Variants in CCDC171 observed in about 807,000 individuals in gnomAD.
CCDC171 encodes coiled-coil domain-containing protein 171.
A neutral mutation model predicts 168.2 loss-of-function variants in CCDC171; 177 were observed. The observed-to-expected ratio is 1.05, with a 90% CI of 0.93 to 1.19. The LOEUF (loss-of-function observed/expected upper bound fraction) is 1.19. CCDC171 is among the 50% of genes most tolerant of loss of function. The pLI, the probability that CCDC171 is intolerant of heterozygous loss-of-function variation, is 0.00. For synonymous variants in CCDC171, 687 were observed against 540.8 expected (o/e 1.27, Z -3.75); for missense variants, 1,991 against 1,539.0 (o/e 1.29, Z -4.91).
intron 4 of CCDC171, chr9:16,020,817 A>G (rs1371201548): frequency 6.5e-6 from 1 of 153,538 alleles, no homozygotes; most frequent in East Asian, 1.9e-4. Flanking sequence ...AAACTTATCA[A>G]TTGTTTATTT....
At chr9:15,774,246 TAAAA>T (rs56239417) in intron 18 of CCDC171, among the ~76,000 whole-genome samples, 13,532 of 37,828 alleles carry the variant, frequency 0.36, 1,681 homozygotes, top group Non-Finnish European at 0.38. Flanking sequence ...ACGCTGTCTT[TAAAA>T]AAAAAAAAAA....
chr9:15,893,239 T>C (rs1018085934), intron 24 of CCDC171, among the ~76,000 whole-genome samples: 4 of 152,034 alleles, frequency 2.6e-5, no homozygotes, highest in African/African-American at 4.8e-5. Context: ...ATATGCAAAA[T>C]ATTGAAACTG....
intron 9 of CCDC171, among the ~76,000 whole-genome samples, chr9:15,666,731 G>A (rs1055896768): frequency 1.3e-5 from 2 of 152,216 alleles, no homozygotes; most frequent in East Asian, 1.9e-4. Flanking sequence ...AGGCTGAGGT[G>A]GGAGGATCAC....
At chr9:15,653,458 G>A (rs1048875511) in intron 7 of CCDC171, among the ~76,000 whole-genome samples, 1 of 151,454 alleles carries the variant, frequency 6.6e-6, no homozygotes, top group Non-Finnish European at 1.5e-5. Context: ...TGTTAATTGG[G>A]TAAATAATGA....
intron 21 of CCDC171, among the ~76,000 whole-genome samples, chr9:15,796,735 A>G (rs1411372769): frequency 6.6e-6 from 1 of 151,944 alleles, no homozygotes; most frequent in Non-Finnish European, 1.5e-5. Flanking sequence ...TGGAGTGCAC[A>G]GTGGTCTGAG....
rs1054444949 is a variant in CCDC171, at chr9:15,785,224, A to G, written c.3267+530A>G. Among the ~76,000 whole-genome samples the G allele has an allele frequency of 2.6e-5, 4 of 152,182 alleles. No individual in the cohort carries two copies. The East Asian group carries it at 7.7e-4, about 29-fold the overall frequency. ...AGCTATCATTTAAAAGTTGTCACTG[A>G]GAAAATTTCATTAATGGGTTTAAAT... On this transcript the variant is annotated intron_variant, in intron 21 of 25. Coordinates refer to ENST00000380701, the MANE Select transcript of CCDC171 (RefSeq NM_173550.4).
chr9:15,905,435 T>C (rs1040177567), intron 24 of CCDC171, among the ~76,000 whole-genome samples: 1 of 151,976 alleles, frequency 6.6e-6, no homozygotes, highest in East Asian at 1.9e-4. Context: ...GGGTACATAA[T>C]GAAATGAGGG....
At chr9:16,066,457 TTTC>T (rs1833991410), downstream of CCDC171, among the ~76,000 whole-genome samples, 1 of 132,642 alleles carries the variant, frequency 7.5e-6, no homozygotes, top group African/African-American at 3.2e-5. Context: ...CTCTTTTTCT[TTTC>T]TTTTTTTTTT....
intron 23 of CCDC171, among the ~76,000 whole-genome samples, chr9:15,850,769 A>G (rs1227627873): frequency 1.3e-5 from 2 of 151,832 alleles, no homozygotes; most frequent in Middle Eastern, 3.4e-3. Flanking sequence ...CAATAGGTTT[A>G]TTTTTCTGGC....
chr9:15,753,464 T>TC (rs908228317), intron 18 of CCDC171, among the ~76,000 whole-genome samples: 17 of 152,174 alleles, frequency 1.1e-4, no homozygotes, highest in African/African-American at 4.1e-4. Flanking sequence ...GAGAGATGTA[T>TC]CATTGGCATG....
chr9:15,984,361 T>A (rs1023848650), intron 3 of CCDC171, among the ~76,000 whole-genome samples: 1 of 152,134 alleles, frequency 6.6e-6, no homozygotes, highest in Non-Finnish European at 1.5e-5. Context: ...GTTAGGTATG[T>A]AATTAAGCAC....
intron 24 of CCDC171, among the ~76,000 whole-genome samples, chr9:15,898,752 A>T (rs1177872956): frequency 6.6e-6 from 1 of 152,166 alleles, no homozygotes; most frequent in Non-Finnish European, 1.5e-5. Flanking sequence ...TAGCACAGGG[A>T]GGTCCCTGTG....
the CCDC171 span, among the ~76,000 whole-genome samples, chr9:16,072,208 G>C: frequency 6.6e-6 from 1 of 152,194 alleles, no homozygotes; most frequent in Non-Finnish European, 1.5e-5. Flanking sequence ...CACCACCCAA[G>C]ATTTCCAGAC....
the CCDC171 span, among the ~76,000 whole-genome samples, chr9:16,075,140 C>T: frequency 6.6e-6 from 1 of 152,178 alleles, no homozygotes; most frequent in Non-Finnish European, 1.5e-5. Context: ...TTCTTAGACT[C>T]CTACTATCCA....
chr9:16,064,854 G>A (rs968842372), downstream of CCDC171, among the ~76,000 whole-genome samples: 4 of 152,170 alleles, frequency 2.6e-5, no homozygotes, highest in Admixed American at 6.5e-5. Context: ...GAGAGCCCTC[G>A]AAGTTCATGG....
intron 16 of CCDC171, among the ~76,000 whole-genome samples, chr9:15,743,187 A>C (rs2055013777): frequency 1.2e-5 from 1 of 81,590 alleles, no homozygotes; most frequent in African/African-American, 6.0e-5. Flanking sequence ...TTTTTTTGAG[A>C]CAGCGTCTTG....
chr9:15,782,597 A>G (rs908850740), intron 20 of CCDC171, among the ~76,000 whole-genome samples: 5 of 152,194 alleles, frequency 3.3e-5, no homozygotes, highest in Non-Finnish European at 7.4e-5. Context: ...TTGATGGTCA[A>G]GTGGATTGAA....
chr9:15,944,064 T>C (rs1828023079), intron 25 of CCDC171, among the ~76,000 whole-genome samples: 1 of 152,012 alleles, frequency 6.6e-6, no homozygotes, highest in Admixed American at 6.6e-5. Flanking sequence ...AATGTTGATG[T>C]TTTTATTTCT....
intron 21 of CCDC171, among the ~76,000 whole-genome samples, chr9:15,845,136 G>A (rs577873048): frequency 2.6e-5 from 4 of 152,112 alleles, no homozygotes; most frequent in African/African-American, 9.6e-5. Context: ...GAACTCAAAA[G>A]GATTTTACTT....
Sources: gnomAD v4.1 joint callset for allele counts (sites outside exome capture counted in the v4.1 genomes callset) on GRCh38, gnomAD v4.1.1 for gene constraint, MANE v1.5 for transcripts, NCBI Gene and HGNC (gene_info 2026-07-23, HGNC 2026-07-21) for gene names.